The following HLA-F variants were observed in gnomAD, a reference collection of about 807,000 sequenced individuals.
The protein encoded by HLA-F is HLA class I histocompatibility antigen, alpha chain F.
A neutral mutation model predicts 49.5 loss-of-function variants in HLA-F; 46 were observed. The observed-to-expected ratio is 0.93, with a 90% CI of 0.73 to 1.19. The LOEUF is 1.19. HLA-F is among the 50% of genes most tolerant of loss of function. The pLI, the probability that HLA-F is intolerant of heterozygous loss-of-function variation, is 0.00. For missense variants in HLA-F, 496 were observed against 579.6 expected (o/e 0.86, Z 1.48); for synonymous variants, 203 against 233.5 (o/e 0.87, Z 1.19).
At chr6:29,734,793 ACT>A (rs1296021168) in intron 3 of HLA-F, among the ~76,000 whole-genome samples, 1 of 152,040 alleles carries the variant, frequency 6.6e-6, no homozygotes, top group African/African-American at 2.4e-5. Context: ...CTCAGGGGAA[ACT>A]CTGCACCATT....
downstream of HLA-F, among the ~76,000 whole-genome samples, chr6:29,731,541 G>GAA (rs1252683181): frequency 2.7e-5 from 4 of 149,462 alleles, no homozygotes; most frequent in South Asian, 6.6e-4. Context: ...GAGAGAGAGA[G>GAA]AAAATTTGAC....
rs774489543 is a variant in HLA-F at position 29,724,189 on chromosome 6, G to A, written c.351G>A (p.Gln117=). ...NQSEAGSHTL[Q]GMNGCDMGPD... ...ACCGGCTAGGGTCTCACACCCTCCA[G>A]GGAATGAATGGCTGCGACATGGGGC... The change falls in exon 3 of 7, where the codon CAG becomes CAA. Residue 117 remains glutamine, a synonymous_variant. Transcript: ENST00000259951. The A allele has an allele frequency of 8.7e-6, 14 of 1,613,016 alleles. No homozygotes were observed. The highest frequency in any genetic ancestry group is 1.3e-5 in the African/African-American group (1 of 74,948).
At chr6:29,733,120 C>T (rs1186302854) in intron 3 of HLA-F, among the ~76,000 whole-genome samples, 1 of 152,088 alleles carries the variant, frequency 6.6e-6, no homozygotes, top group Middle Eastern at 3.4e-3. Flanking sequence ...ACCCGAGAGG[C>T]GGAGGTTGCA....
intron 6 of HLA-F, chr6:29,726,385 T>C (rs1776082749): frequency 6.2e-7 from 1 of 1,611,470 alleles, no homozygotes; most frequent in African/African-American, 1.3e-5. Flanking sequence ...AATTTGTTCA[T>C]GAATATTTTC....
In HLA-F at chr6:29,724,396, G is replaced by A; in HGVS notation, c.558G>A (p.Leu186=). 1 of 1,613,284 alleles carries A rather than the reference G, an allele frequency of 6.2e-7. No individual in the cohort carries two copies. The highest frequency in any genetic ancestry group is 8.5e-7 in the Non-Finnish European group (1 of 1,180,042). The change falls in exon 3 of 7, where the codon CTG becomes CTA. Residue 186 remains leucine, a synonymous_variant. Transcript: ENST00000259951. ...EFRTYLEGEC[L]ELLRRYLENG... is the part of the protein sequence containing the mutation. ...GGACCTACCTGGAGGGCGAGTGCCT[G>A]GAGTTGCTCCGCAGATACTTGGAGA...
chr6:29,724,488 T>C, intron 3 of HLA-F, 40 bp downstream of exon 3: 4 of 1,601,352 alleles, frequency 2.5e-6, no homozygotes, highest in Non-Finnish European at 3.4e-6. Flanking sequence ...CTCCTGTAGA[T>C]CTCTTGGGAT....
rs752220494 is a variant in HLA-F at position 29,724,174 on chromosome 6, GT to G, written c.337del (p.Ser113LeufsTer7). 3.7e-6 allele frequency: 6 copies of G among 1,612,960 alleles called. No homozygotes were observed. The African/African-American group carries it at 8.0e-5, about 21-fold the overall frequency. ...GGGCTGACTGCGGGGACCGGCTAGG[GT>G]CTCACACCCTCCAGGGAATGAATGG... ...LRRYNQSEAG[S>X]HTLQGMNGCD... On this transcript the variant is annotated frameshift_variant and splice_region_variant, in exon 3 of 7. Transcript: ENST00000259951. LOFTEE classifies it high-confidence loss of function.
chr6:29,736,690 T>G (rs1052025336), intron 3 of HLA-F: 1 of 276,460 alleles, frequency 3.6e-6, no homozygotes, highest in Non-Finnish European at 7.1e-6. Flanking sequence ...ATTTCTAATA[T>G]GATAGATTAG....
At chr6:29,736,974 A>C (rs1052119130) in intron 3 of HLA-F, among the ~76,000 whole-genome samples, 1 of 152,196 alleles carries the variant, frequency 6.6e-6, no homozygotes, top group African/African-American at 2.4e-5. Context: ...AACTTGGTTT[A>C]GTCTCTCAAA....
intron 3 of HLA-F, 126 bp downstream of exon 3, chr6:29,724,574 A>G (rs1775790007): frequency 2.0e-6 from 2 of 981,154 alleles, no homozygotes; most frequent in Non-Finnish European, 3.0e-6. Context: ...AGTAGGAAGA[A>G]TCTTCCTGGC....
At chr6:29,732,555 C>T (rs1583282850) in intron 3 of HLA-F, among the ~76,000 whole-genome samples, 2 of 152,256 alleles carry the variant, frequency 1.3e-5, no homozygotes, top group South Asian at 4.2e-4. Flanking sequence ...AAGCAATTCT[C>T]CTGGCTCAGC....
chr6:29,733,245 A>C (rs1776783365), intron 3 of HLA-F, among the ~76,000 whole-genome samples: 1 of 152,148 alleles, frequency 6.6e-6, no homozygotes, highest in African/African-American at 2.4e-5. Flanking sequence ...AATCAGCACC[A>C]CGCAAAGGAC....
chr6:29,724,214 C>G lies in HLA-F; in HGVS notation c.376C>G (p.Pro126Ala), dbSNP rs1211902698. ...GGGAATGAATGGCTGCGACATGGGG[C>G]CCGACGGACGCCTCCTCCGCGGGTA... ...LQGMNGCDMGPDGRLLRGYHQ... is the reference protein window; with the variant it reads ...LQGMNGCDMGADGRLLRGYHQ... Residue 126 changes from proline (P) to alanine (A), a missense_variant, in exon 3 of 7, where the codon CCC (proline) becomes GCC (alanine). Coordinates refer to ENST00000259951, the MANE Select transcript of HLA-F (RefSeq NM_001098479.2). The G allele has an allele frequency of 2.5e-6, 4 of 1,613,158 alleles. No individual in the cohort carries two copies. The African/African-American group carries it at 5.3e-5, about 21-fold the overall frequency.
At chr6:29,732,609 C>A (rs1776721499) in intron 3 of HLA-F, among the ~76,000 whole-genome samples, 1 of 151,968 alleles carries the variant, frequency 6.6e-6, no homozygotes, top group African/African-American at 2.4e-5. Flanking sequence ...AGACTCCTGG[C>A]TAATTTTTTG....
At chr6:29,732,063 C>T (rs1357098732), downstream of HLA-F, among the ~76,000 whole-genome samples, 2 of 152,128 alleles carry the variant, frequency 1.3e-5, no homozygotes, top group African/African-American at 2.4e-5. Context: ...CTTCCAGGCT[C>T]GAACAATCTT....
At chr6:29,724,002 C>T in intron 2 of HLA-F, 75 bp downstream of exon 2, 1 of 1,552,896 alleles carries the variant, frequency 6.4e-7, no homozygotes, top group East Asian at 2.4e-5. Flanking sequence ...CCCTCAGAGT[C>T]TCCGGATCCG....
chr6:29,727,239 C>A lies in HLA-F; in HGVS notation c.*64C>A. ...CCACTAAATACTTCATCACACACCT[C>A]CTAAGAATAAGAACCAACATTATCA... On this transcript the variant is annotated 3_prime_UTR_variant, in exon 7 of 7. Coordinates refer to ENST00000259951, the MANE Select transcript of HLA-F (RefSeq NM_001098479.2). 7 of 1,008,084 alleles carry A rather than the reference C, an allele frequency of 6.9e-6. No individual in the cohort carries two copies. The highest frequency in any genetic ancestry group is 1.0e-5 in the Non-Finnish European group (7 of 684,340). The allele number at this position is 1,008,084 out of a possible 1,614,324, so 62.4% of individuals were successfully genotyped here. A position where few individuals can be genotyped will look rare whatever the true frequency, so the allele number is the denominator to read the frequency against.
In HLA-F at chr6:29,726,888, T is replaced by G. The variant is rs1291306674; in HGVS notation, c.1042T>G (p.Ser348Ala). The change falls in exon 7 of 7, where the codon TCA becomes GCA. Residue 348 changes from serine to alanine, a missense_variant. Transcript: ENST00000259951. The part of the protein sequence containing the change: ...RGSYSQAAAY[S>A]VVSGNLMITW... ...GTTTTCTATCTTCTTCACAGCCTAC[T>G]CAGTGGTCAGCGGAAACTTGATGAT... is the stretch of plus-strand genomic sequence containing the variant. 1 of 1,603,022 alleles carries G rather than the reference T, an allele frequency of 6.2e-7. No individual in the cohort carries two copies.
chr6:29,736,409 A>G (rs778725675), intron 3 of HLA-F: 4 of 453,694 alleles, frequency 8.8e-6, no homozygotes, highest in African/African-American at 4.0e-5. Context: ...ATTTTTTCCA[A>G]TGCAGCATTT....
Sources: allele counts gnomAD v4.1 joint callset (sites outside exome capture counted in the v4.1 genomes callset), GRCh38; gene constraint gnomAD v4.1.1; transcripts MANE v1.5; gene names NCBI Gene and HGNC (gene_info 2026-07-23, HGNC 2026-07-21).